Variants in ERGIC1 observed in about 807,000 individuals in gnomAD.
The protein encoded by ERGIC1 is endoplasmic reticulum-Golgi intermediate compartment protein 1.
ERGIC1 carries 19 observed loss-of-function variants against 38.3 expected under a neutral mutation model. That is an observed-to-expected ratio of 0.50 (90% CI 0.35 to 0.73). The LOEUF (loss-of-function observed/expected upper bound fraction) is 0.73. ERGIC1 is among the 30% of genes least tolerant of loss of function. ERGIC1 has a pLI of 0.01. For missense variants in ERGIC1, 294 were observed against 389.2 expected (o/e 0.76, Z 2.06); for synonymous variants, 124 against 157.6 (o/e 0.79, Z 1.60).
chr5:172,841,598 C>T (rs149905165), intron 1 of ERGIC1, among the ~76,000 whole-genome samples: 6 of 152,172 alleles, frequency 3.9e-5, no homozygotes, highest in Non-Finnish European at 7.3e-5. Flanking sequence ...TCAGAGGACC[C>T]GGATGTCCCT....
intron 9 of ERGIC1, among the ~76,000 whole-genome samples, chr5:172,949,265 G>T (rs1764183566): frequency 6.6e-6 from 1 of 152,198 alleles, no homozygotes; most frequent in Non-Finnish European, 1.5e-5. Context: ...AAGCAACAGG[G>T]TGTCACATTA....
At position 172,915,160 on chromosome 5, in the gene ERGIC1, T is replaced by A. The variant is rs1763328873; in HGVS notation, c.375+322T>A. 7 of 648,456 alleles carry A rather than the reference T, an allele frequency of 1.1e-5. No individual in the cohort carries two copies. The Admixed American group carries it at 1.6e-4, about 15-fold the overall frequency. 40.2% of individuals were successfully genotyped at this position (648,456 alleles called of 1,614,324 possible). ...CCCAGCTCTACCCCTTCTTGGCCCCTACAAGTCACTTGACCCATCTTAGGC... is the reference window on the plus strand; with the variant it reads ...CCCAGCTCTACCCCTTCTTGGCCCCAACAAGTCACTTGACCCATCTTAGGC... On this transcript the variant is annotated intron_variant, in intron 5 of 9. Transcript: ENST00000393784.
chr5:172,857,798 G>A (rs1359621911), intron 1 of ERGIC1, among the ~76,000 whole-genome samples: 1 of 152,102 alleles, frequency 6.6e-6, no homozygotes, highest in African/African-American at 2.4e-5. Context: ...TGGAGTGAGA[G>A]GAGTAAAATC....
rs558300369 is a variant in ERGIC1, at chr5:172,846,143, C to T, written c.20+11710C>T. 3.5e-4 allele frequency among the ~76,000 whole-genome samples: 53 copies of T among 152,284 alleles called. No homozygotes were observed. The highest frequency in any genetic ancestry group is 1.1e-3 in the African/African-American group (44 of 41,548). On this transcript the variant is annotated intron_variant, in intron 1 of 9. Coordinates refer to ENST00000393784, the MANE Select transcript of ERGIC1 (RefSeq NM_001031711.3). The surrounding 1 kb of genome is among the most constrained non-coding windows in gnomAD (Gnocchi z 4.0). Reference sequence around the variant, plus strand: ...ATCCATTTGACCTCTCTGGCGATGTCGGCCTTCAGTACCTGGTTAAGTCCT... The same window carrying T: ...ATCCATTTGACCTCTCTGGCGATGTTGGCCTTCAGTACCTGGTTAAGTCCT...
intron 4 of ERGIC1, 71 bp downstream of exon 4, chr5:172,909,832 G>T (rs1763163194): frequency 1.4e-6 from 2 of 1,379,822 alleles, no homozygotes; most frequent in Admixed American, 1.7e-5. Context: ...TGCAGAAATG[G>T]CAAGATCTCC....
rs1760990587 is a variant in ERGIC1, at chr5:172,834,653, C to T, written c.20+220C>T. On this transcript the variant is annotated intron_variant, in intron 1 of 9. Transcript: ENST00000393784. The surrounding 1 kb of genome is among the most constrained non-coding windows in gnomAD (Gnocchi z 4.1). ...TCGTGCAGCGGGAGACAAATCCACC[C>T]ACCTTCCCTCCGCCGAGCCCCCTCC... Among the ~76,000 whole-genome samples the T allele has an allele frequency of 6.6e-6, 1 of 151,556 alleles. No individual in the cohort carries two copies. The highest frequency in any genetic ancestry group is 1.5e-5 in the Non-Finnish European group (1 of 67,792).
At chr5:172,854,777 G>A (rs1761503183) in intron 1 of ERGIC1, among the ~76,000 whole-genome samples, 1 of 152,260 alleles carries the variant, frequency 6.6e-6, no homozygotes, top group Non-Finnish European at 1.5e-5. Flanking sequence ...TTAAGTGTAT[G>A]TACAGCTCAC....
chr5:172,880,826 G>A (rs1762261440), intron 1 of ERGIC1, among the ~76,000 whole-genome samples: 1 of 152,224 alleles, frequency 6.6e-6, no homozygotes, highest in Non-Finnish European at 1.5e-5. Flanking sequence ...CCCAGCAGGG[G>A]ATAAACCGCG....
intron 1 of ERGIC1, among the ~76,000 whole-genome samples, chr5:172,862,658 C>T (rs1761746003): frequency 6.6e-6 from 1 of 152,168 alleles, no homozygotes; most frequent in Admixed American, 6.5e-5. Context: ...AAAAACTTCC[C>T]CAACCTCAAA....
chr5:172,920,485 G>A (rs1763483567), intron 5 of ERGIC1: 6 of 717,222 alleles, frequency 8.4e-6, no homozygotes, highest in South Asian at 4.4e-5. Context: ...ACAGGATGGG[G>A]TGAGGGGTAT....
intron 1 of ERGIC1, among the ~76,000 whole-genome samples, chr5:172,854,299 T>C (rs2113054038): frequency 6.6e-6 from 1 of 152,226 alleles, no homozygotes; most frequent in Admixed American, 6.5e-5. Flanking sequence ...GGAGGATCAC[T>C]TGAGCCCGGG....
chr5:172,839,539 G>T (rs894619219), intron 1 of ERGIC1, among the ~76,000 whole-genome samples: 3 of 151,844 alleles, frequency 2.0e-5, no homozygotes, highest in African/African-American at 7.3e-5. Flanking sequence ...ATTCCACACT[G>T]GGTAACAGAG....
chr5:172,921,153 G>T (rs771452978), intron 5 of ERGIC1, among the ~76,000 whole-genome samples: 61 of 152,324 alleles, frequency 4.0e-4, no homozygotes, highest in Non-Finnish European at 7.3e-4. Flanking sequence ...CTGGCTTTAC[G>T]CCCATTTCGC....
At chr5:172,928,971 G>T (rs1229041484) in intron 7 of ERGIC1, among the ~76,000 whole-genome samples, 2 of 152,064 alleles carry the variant, frequency 1.3e-5, no homozygotes, top group Non-Finnish European at 2.9e-5. Flanking sequence ...CTTCATTATC[G>T]TCAGCAGCTA....
At chr5:172,854,598 TG>T (rs1186605351) in intron 1 of ERGIC1, among the ~76,000 whole-genome samples, 1 of 152,168 alleles carries the variant, frequency 6.6e-6, no homozygotes, top group African/African-American at 2.4e-5. Flanking sequence ...GGTCCCGGTG[TG>T]GGTGAGTGTG....
chr5:172,896,867 G>GA (rs1762735797), intron 2 of ERGIC1, 135 bp from the exon 3 acceptor site: 1 of 751,046 alleles, frequency 1.3e-6, no homozygotes, highest in Non-Finnish European at 2.2e-6. Flanking sequence ...GCTCGAGTCA[G>GA]AAGGGGCTCT....
intron 1 of ERGIC1, among the ~76,000 whole-genome samples, chr5:172,879,542 T>A (rs187456037): frequency 6.6e-6 from 1 of 152,340 alleles, no homozygotes; most frequent in East Asian, 1.9e-4. Flanking sequence ...TCAGACGGAC[T>A]TCATCTTTTC....
At chr5:172,866,631 T>C (rs1761871023) in intron 1 of ERGIC1, among the ~76,000 whole-genome samples, 1 of 152,230 alleles carries the variant, frequency 6.6e-6, no homozygotes, top group Non-Finnish European at 1.5e-5. Context: ...GTGAGCACTA[T>C]TTGACAGCCT....
intron 7 of ERGIC1, among the ~76,000 whole-genome samples, chr5:172,929,151 A>G (rs1358994154): frequency 3.7e-4 from 52 of 140,020 alleles, no homozygotes; most frequent in South Asian, 1.3e-3. Flanking sequence ...TCATATATAT[A>G]TATGTGTGTG....
Sources: allele counts gnomAD v4.1 joint callset (sites outside exome capture counted in the v4.1 genomes callset), GRCh38; gene constraint gnomAD v4.1.1; non-coding constraint Gnocchi (gnomAD v3.1); transcripts MANE v1.5; gene names NCBI Gene and HGNC (gene_info 2026-07-23, HGNC 2026-07-21).